Variants in POU1F1 observed in about 807,000 individuals in gnomAD.
POU1F1 encodes the protein POU class 1 homeobox 1, also known as pituitary-specific positive transcription factor 1.
In POU1F1, 23 loss-of-function variants were observed where a neutral mutation model predicts 32.3. The observed-to-expected ratio is 0.71, with a 90% CI of 0.51 to 1.01. POU1F1 has a LOEUF of 1.01. POU1F1 is among the 50% of genes least tolerant of loss of function. The pLI, the probability that POU1F1 is intolerant of heterozygous loss-of-function variation, is 0.00. For missense variants in POU1F1, 323 were observed against 341.6 expected (o/e 0.95, Z 0.43); for synonymous variants, 120 against 115.6 (o/e 1.04, Z -0.25).
Position 87,266,773 on chromosome 3 carries a change from AAAG to A in POU1F1, c.215-2264_215-2262del, listed in dbSNP as rs1299700379. On this transcript the variant is annotated intron_variant, in intron 2 of 5. Coordinates refer to ENST00000350375, the MANE Select transcript of POU1F1 (RefSeq NM_000306.4). The stretch of plus-strand genomic sequence containing the variant: ...TTAATTTTAATTTTCTGCTAAATTA[AAAG>A]AAGGACTAATAGATGTAAAAGAAAA... Among the ~76,000 whole-genome samples the A allele has an allele frequency of 3.3e-5, 5 of 152,188 alleles. No homozygotes were observed. In the East Asian group the frequency reaches 5.8e-4, roughly 18 times the overall value.
At chr3:87,271,162 T>C (rs1470954783) in intron 2 of POU1F1, among the ~76,000 whole-genome samples, 1 of 152,120 alleles carries the variant, frequency 6.6e-6, no homozygotes, top group Non-Finnish European at 1.5e-5. Context: ...GGTCTTTACA[T>C]TTTAATTGAA....
In POU1F1 at chr3:87,259,883, A is replaced by G. The variant is rs1405461100; in HGVS notation, c.*11T>C. On this transcript the variant is annotated 3_prime_UTR_variant, in exon 6 of 6. Coordinates refer to ENST00000350375, the MANE Select transcript of POU1F1 (RefSeq NM_000306.4). ...AACGGGAGAAAAAGGCTATTATACA[A>G]TAGAAAAATCTTATCTGCACTCAAG... 35 of 1,606,282 alleles carry G rather than the reference A, an allele frequency of 2.2e-5. No homozygotes were observed. Among genetic ancestry groups the G allele is most frequent in the Non-Finnish European group, 3.0e-5 (35 of 1,173,000 alleles).
chr3:87,266,816 G>T (rs1706629882), intron 2 of POU1F1, among the ~76,000 whole-genome samples: 1 of 152,048 alleles, frequency 6.6e-6, no homozygotes, highest in Admixed American at 6.6e-5. Context: ...TGACATTTAT[G>T]TTATCATTTA....
intron 2 of POU1F1, among the ~76,000 whole-genome samples, chr3:87,270,806 T>C (rs1272522204): frequency 6.6e-6 from 1 of 152,122 alleles, no homozygotes; most frequent in Non-Finnish European, 1.5e-5. Flanking sequence ...AATTGCTGTA[T>C]TTTGTAACTC....
chr3:87,266,583 G>C (rs1362141516), intron 2 of POU1F1, among the ~76,000 whole-genome samples: 1 of 151,316 alleles, frequency 6.6e-6, no homozygotes, highest in African/African-American at 2.4e-5. Flanking sequence ...AAATTATCCA[G>C]GTTTACTTTT....
intron 5 of POU1F1, among the ~76,000 whole-genome samples, chr3:87,260,350 T>G (rs766216734): frequency 6.6e-6 from 1 of 152,204 alleles, no homozygotes; most frequent in Non-Finnish European, 1.5e-5. Context: ...GGACCCAGAC[T>G]TTCTATGTTT....
In POU1F1 at chr3:87,276,432, T is replaced by A. The variant is rs4988459; in HGVS notation, c.31A>T (p.Thr11Ser). ...GCGTCAGAATTCAGAGGTATAAAGG[T>A]ATCAGCCGAAGTAAAAGCTTGGCAA... Reference protein sequence around the residue: MSCQAFTSADTFIPLNSDASA... With the variant: MSCQAFTSADSFIPLNSDASA... The change falls in exon 1 of 6, where the codon ACC becomes TCC. Residue 11 changes from threonine (T) to serine (S), a missense_variant. Thr to Ser is a moderately conservative substitution (Grantham distance 58). Transcript: ENST00000350375. 1 of 1,613,830 alleles carries A rather than the reference T, an allele frequency of 6.2e-7. No homozygotes were observed. The highest frequency in any genetic ancestry group is 8.5e-7 in the Non-Finnish European group (1 of 1,179,902).
chr3:87,274,967 A>G (rs1706799220), intron 1 of POU1F1, among the ~76,000 whole-genome samples: 1 of 151,972 alleles, frequency 6.6e-6, no homozygotes, highest in African/African-American at 2.4e-5. Context: ...AGATTTTACT[A>G]GATTATTACC....
intron 2 of POU1F1, among the ~76,000 whole-genome samples, chr3:87,271,694 T>C (rs1706728196): frequency 6.6e-6 from 1 of 152,196 alleles, no homozygotes; most frequent in South Asian, 2.1e-4. Flanking sequence ...ATGACAGTAG[T>C]TCATCATTGA....
At chr3:87,271,070 T>C (rs1706713376) in intron 2 of POU1F1, among the ~76,000 whole-genome samples, 1 of 152,160 alleles carries the variant, frequency 6.6e-6, no homozygotes, top group African/African-American at 2.4e-5. Flanking sequence ...ACCACAGTGA[T>C]AGCTCCAGAC....
intron 3 of POU1F1, among the ~76,000 whole-genome samples, chr3:87,262,871 AATAAC>A (rs1340184405): frequency 6.6e-6 from 1 of 152,112 alleles, no homozygotes; most frequent in African/African-American, 2.4e-5. Flanking sequence ...GTACAGCTGA[AATAAC>A]ATATAATTTG....
chr3:87,261,260 A>T lies in POU1F1; in HGVS notation c.665+13T>A. 6.5e-7 allele frequency: 1 copy of T among 1,538,328 alleles called. No individual in the cohort carries two copies. On this transcript the variant is annotated intron_variant, in intron 5 of 5. Coordinates refer to ENST00000350375, the MANE Select transcript of POU1F1 (RefSeq NM_000306.4). ...CAGTTTTGTCCTCTAGTAACTTTTAATATAAAGAATACCTTATAGTTGTTC... is the reference window on the plus strand; with the variant it reads ...CAGTTTTGTCCTCTAGTAACTTTTATTATAAAGAATACCTTATAGTTGTTC...
chr3:87,272,470 A>G (rs138806798), intron 2 of POU1F1, among the ~76,000 whole-genome samples: 3 of 152,266 alleles, frequency 2.0e-5, no homozygotes, highest in Middle Eastern at 3.4e-3. Flanking sequence ...ACAAATGAAA[A>G]TCCTGCGCAT....
At chr3:87,273,258 G>T in intron 2 of POU1F1, 89 bp downstream of exon 2, 1 of 1,337,176 alleles carries the variant, frequency 7.5e-7, no homozygotes, top group Non-Finnish European at 1.1e-6. Flanking sequence ...CAAATTTCAT[G>T]TCACACTCTG....
chr3:87,265,288 GT>G (rs1706596754), intron 2 of POU1F1, among the ~76,000 whole-genome samples: 1 of 151,982 alleles, frequency 6.6e-6, no homozygotes, highest in Admixed American at 6.6e-5. Context: ...AAGCAAGAAA[GT>G]TTGCAACTTT....
At chr3:87,262,524 C>T (rs1423267988) in intron 3 of POU1F1, among the ~76,000 whole-genome samples, 1 of 151,940 alleles carries the variant, frequency 6.6e-6, no homozygotes, top group African/African-American at 2.4e-5. Flanking sequence ...TAGGTGTGTC[C>T]TAAACACTTC....
chr3:87,264,397 T>A lies in POU1F1; in HGVS notation c.330A>T (p.Glu110Asp), dbSNP rs1559615621. The A allele has an allele frequency of 1.2e-6, 2 of 1,613,850 alleles. No individual in the cohort carries two copies. Among genetic ancestry groups the A allele is most frequent in the Non-Finnish European group, 1.7e-6 (2 of 1,179,784 alleles). Residue 110 changes from glutamate (E) to aspartate (D), a missense_variant, in exon 3 of 6, where the codon GAA (glutamate) becomes GAT (aspartate). Physicochemically the swap from Glu to Asp is conservative, Grantham distance 45. Coordinates refer to ENST00000350375, the MANE Select transcript of POU1F1 (RefSeq NM_000306.4). Reference sequence around the variant, plus strand: ...CCACCAATTTACTTTTCCGCCTGAGTTCCTGCTTGAAATCAGCAGCTGTGG... The same window carrying A: ...CCACCAATTTACTTTTCCGCCTGAGATCCTGCTTGAAATCAGCAGCTGTGG... ...EDPTAADFKQ[E>D]LRRKSKLVEE...
chr3:87,272,476 C>T lies in POU1F1; in HGVS notation c.214+871G>A, dbSNP rs114952421. ...AATAAACCAACAAATGAAAATCCTG[C>T]GCATAATAAAACTGTGTACTTTTTA... On this transcript the variant is annotated intron_variant, in intron 2 of 5. Coordinates refer to ENST00000350375, the MANE Select transcript of POU1F1 (RefSeq NM_000306.4). 1.2e-3 allele frequency among the ~76,000 whole-genome samples: 188 copies of T among 152,166 alleles called. 1 individual carries two copies. Among genetic ancestry groups the T allele is most frequent in the African/African-American group, 3.9e-3 (162 of 41,532 alleles).
chr3:87,261,112 T>A (rs1387534970), intron 5 of POU1F1, among the ~76,000 whole-genome samples, 161 bp downstream of exon 5: 1 of 152,022 alleles, frequency 6.6e-6, no homozygotes, highest in Admixed American at 6.6e-5. Flanking sequence ...AGTTTCACCA[T>A]GTTGGCCAGA....
Sources: allele counts gnomAD v4.1 joint callset (sites outside exome capture counted in the v4.1 genomes callset), GRCh38; gene constraint gnomAD v4.1.1; transcripts MANE v1.5; gene names NCBI Gene and HGNC (gene_info 2026-07-23, HGNC 2026-07-21).